Variants in PAPSS1 observed in about 807,000 individuals in gnomAD.
PAPSS1 encodes the protein 3'-phosphoadenosine 5'-phosphosulfate synthase 1.
In PAPSS1, 50 loss-of-function variants were observed where a neutral mutation model predicts 72.0. The ratio of observed to expected loss-of-function variants is 0.69; its 90% CI spans 0.55 to 0.88. PAPSS1 has a LOEUF of 0.88. Among genes scored for constraint, PAPSS1 ranks in the 40% least tolerant of loss-of-function variants. PAPSS1 has a pLI of 0.00. For missense variants in PAPSS1, 657 were observed against 782.2 expected (o/e 0.84, Z 1.91); for synonymous variants, 261 against 263.6 (o/e 0.99, Z 0.09).
chr4:107,661,656 C>A (rs192126074), intron 5 of PAPSS1, among the ~76,000 whole-genome samples: 1 of 152,248 alleles, frequency 6.6e-6, no homozygotes, highest in African/African-American at 2.4e-5. Flanking sequence ...AAAAAAAAGT[C>A]TGTTTTTTTA....
rs112424220 is a variant in PAPSS1 at position 107,650,310 on chromosome 4, T to C, written c.1237+3181A>G. 7.3e-3 allele frequency among the ~76,000 whole-genome samples: 1,112 copies of C among 152,322 alleles called. 12 individuals carry two copies. The highest frequency in any genetic ancestry group is 0.024 in the African/African-American group (994 of 41,574). ...AATAAAATAACACTCCAATTTTTGT[T>C]GTTTGATGTAAGGCTAATAACTGGC... On this transcript the variant is annotated intron_variant, in intron 9 of 11. Transcript: ENST00000265174.
At chr4:107,653,772 G>A (rs1726923674) in intron 8 of PAPSS1, 146 bp from the exon 9 acceptor site, 2 of 531,288 alleles carry the variant, frequency 3.8e-6, no homozygotes, top group Non-Finnish European at 6.2e-6. Flanking sequence ...TGACATTAGA[G>A]ATGCTATAAA....
At chr4:107,714,946 C>CA (rs1357196483) in intron 1 of PAPSS1, among the ~76,000 whole-genome samples, 2 of 152,088 alleles carry the variant, frequency 1.3e-5, no homozygotes, top group African/African-American at 4.8e-5. Flanking sequence ...ACTAAAATTT[C>CA]AAAGTATCCA....
At chr4:107,713,049 C>A (rs974168789) in intron 1 of PAPSS1, among the ~76,000 whole-genome samples, 4 of 151,610 alleles carry the variant, frequency 2.6e-5, no homozygotes, top group Admixed American at 1.3e-4. Context: ...CTGGTTCAAG[C>A]GATTCTCCTG....
intron 5 of PAPSS1, among the ~76,000 whole-genome samples, chr4:107,676,461 G>A (rs1485968548): frequency 1.3e-5 from 2 of 152,046 alleles, no homozygotes; most frequent in Non-Finnish European, 2.9e-5. Flanking sequence ...AAAATACCTA[G>A]GAATCCAGCT....
At chr4:107,677,945 C>G (rs1040843923) in intron 5 of PAPSS1, among the ~76,000 whole-genome samples, 5 of 152,048 alleles carry the variant, frequency 3.3e-5, no homozygotes, top group African/African-American at 1.2e-4. Flanking sequence ...GACAAAAAAC[C>G]AAACACCACA....
At chr4:107,660,965 T>C (rs1180869610) in intron 5 of PAPSS1, among the ~76,000 whole-genome samples, 1 of 152,142 alleles carries the variant, frequency 6.6e-6, no homozygotes, top group Non-Finnish European at 1.5e-5. Context: ...TATCTTTAGA[T>C]AAATGTTATC....
intron 10 of PAPSS1, among the ~76,000 whole-genome samples, chr4:107,643,459 G>A (rs186981925): frequency 1.2e-3 from 185 of 152,312 alleles, no homozygotes; most frequent in Non-Finnish European, 2.1e-3. Context: ...CCTCCACTGA[G>A]ACTGAACTGT....
chr4:107,681,000 C>G (rs1727791638), intron 5 of PAPSS1, among the ~76,000 whole-genome samples: 1 of 151,934 alleles, frequency 6.6e-6, no homozygotes, highest in Non-Finnish European at 1.5e-5. Flanking sequence ...AAGTTACCTA[C>G]CTGGTAGATA....
chr4:107,694,521 G>A (rs1220307649), intron 2 of PAPSS1, among the ~76,000 whole-genome samples: 1 of 137,170 alleles, frequency 7.3e-6, no homozygotes, highest in Non-Finnish European at 1.7e-5. Flanking sequence ...AGCAGACATG[G>A]TTGGGAATTC....
At chr4:107,709,300 G>C (rs569743983) in intron 1 of PAPSS1, among the ~76,000 whole-genome samples, 1 of 152,314 alleles carries the variant, frequency 6.6e-6, no homozygotes, top group East Asian at 1.9e-4. Context: ...AATTACAAGT[G>C]AGAAAATTGT....
chr4:107,637,047 C>G (rs1327619802), intron 10 of PAPSS1, among the ~76,000 whole-genome samples: 1 of 152,120 alleles, frequency 6.6e-6, no homozygotes, highest in African/African-American at 2.4e-5. Context: ...AATTTTAGTT[C>G]TATAATGGTT....
chr4:107,621,148 T>C (rs1332806465), intron 11 of PAPSS1, among the ~76,000 whole-genome samples: 1 of 152,154 alleles, frequency 6.6e-6, no homozygotes, highest in Non-Finnish European at 1.5e-5. Context: ...GACATGAGTG[T>C]GCTGTGAGGA....
intron 5 of PAPSS1, among the ~76,000 whole-genome samples, chr4:107,673,801 G>A (rs1477902577): frequency 2.0e-5 from 3 of 152,132 alleles, no homozygotes; most frequent in African/African-American, 2.4e-5. Flanking sequence ...CAGAGAGAAA[G>A]GTCGGGTTAC....
intron 5 of PAPSS1, among the ~76,000 whole-genome samples, chr4:107,676,190 C>A (rs112975107): frequency 6.6e-6 from 1 of 152,096 alleles, no homozygotes; most frequent in Non-Finnish European, 1.5e-5. Context: ...CCAGGGCAAT[C>A]AGGCAGGAGA....
intron 4 of PAPSS1, among the ~76,000 whole-genome samples, chr4:107,685,512 TGA>T (rs917379084): frequency 4.6e-5 from 7 of 152,236 alleles, no homozygotes; most frequent in African/African-American, 1.7e-4. Flanking sequence ...AACTGGCCAT[TGA>T]GAGAGTAATA....
intron 1 of PAPSS1, among the ~76,000 whole-genome samples, chr4:107,709,059 G>A (rs1723420259): frequency 6.6e-6 from 1 of 152,168 alleles, no homozygotes; most frequent in Admixed American, 6.5e-5. Context: ...CTTCTACCAT[G>A]CAGCTGCACT....
Position 107,614,401 on chromosome 4 carries a change from A to G in PAPSS1, c.1737-14T>C. On this transcript the variant is annotated splice_polypyrimidine_tract_variant and intron_variant, in intron 11 of 11. Transcript: ENST00000265174. ...AAGTCTTCATGGCTAAAGGAGAGGA[A>G]AAAAAGAAAATTATTTCATAATTTT... 6.3e-7 allele frequency: 1 copy of G among 1,590,808 alleles called. No homozygotes were observed. The highest frequency in any genetic ancestry group is 2.2e-5 in the East Asian group (1 of 44,666).
At chr4:107,714,982 G>A (rs1254770810) in intron 1 of PAPSS1, among the ~76,000 whole-genome samples, 1 of 151,962 alleles carries the variant, frequency 6.6e-6, no homozygotes, top group Non-Finnish European at 1.5e-5. Flanking sequence ...TCCTGTTCTT[G>A]GGAACAGAGT....
Sources: gnomAD v4.1 joint callset for allele counts (sites outside exome capture counted in the v4.1 genomes callset) on GRCh38, gnomAD v4.1.1 for gene constraint, MANE v1.5 for transcripts, NCBI Gene and HGNC (gene_info 2026-07-23, HGNC 2026-07-21) for gene names.